The following PRDM2 variants were observed in gnomAD, a reference collection of about 807,000 sequenced individuals.
PRDM2 encodes the protein PR domain zinc finger protein 2.
In PRDM2, 30 loss-of-function variants were observed where a neutral mutation model predicts 130.0. The ratio of observed to expected loss-of-function variants is 0.23; its 90% CI spans 0.17 to 0.31. The LOEUF is 0.31. Ranked by LOEUF, PRDM2 falls within the 10% of genes least tolerant of loss-of-function variation. The probability of loss-of-function intolerance (pLI) is 1.00; values close to 1 mark genes in which losing one functional copy is unlikely to be tolerated. For missense variants in PRDM2, 2,011 were observed against 2,108.4 expected, an observed-to-expected ratio of 0.95 and a Z score of 0.90; for synonymous variants, 871 against 782.4, an observed-to-expected ratio of 1.11 and a Z score of -1.89.
rs1644600811 is a variant in PRDM2 at position 13,781,004 on chromosome 1, C to T, written c.3209C>T (p.Ser1070Phe). Residue 1070 changes from serine to phenylalanine, a missense_variant, in exon 8 of 10, where the codon TCC becomes TTC. By Grantham distance (155) the Ser-to-Phe change is radical. This residue lies in a region of PRDM2 where 1,288 missense variants were observed against 1,237.7 expected (regional missense o/e 1.04). Coordinates refer to ENST00000311066, the MANE Select transcript of PRDM2 (RefSeq NM_001393986.1). This position sits in a 1 kb window ranked among gnomAD's most constrained non-coding sequence, Gnocchi z 6.1. ...TCTTCGTTTTCTTCTTCATCTTCCT[C>T]CTCTTCTCCTTCTCCACCTCCTCTC... Reference protein sequence around the residue: ...SSSSFSSSSSSSSPSPPPLSA... With the variant: ...SSSSFSSSSSFSSPSPPPLSA... 6.2e-7 allele frequency: 1 copy of T among 1,601,618 alleles called. No individual in the cohort carries two copies. Among genetic ancestry groups the T allele is most frequent in the Non-Finnish European group, 8.6e-7 (1 of 1,168,736 alleles).
chr1:13,756,156 C>T (rs888923479), intron 6 of PRDM2, among the ~76,000 whole-genome samples: 1 of 150,410 alleles, frequency 6.6e-6, no homozygotes, highest in Non-Finnish European at 1.5e-5. Context: ...CCAGCTACTC[C>T]GGAGGCTGAG....
chr1:13,805,819 G>C (rs2013271), intron 8 of PRDM2, among the ~76,000 whole-genome samples: 2,240 of 152,292 alleles, frequency 0.015, 46 homozygotes, highest in South Asian at 0.082. Context: ...GGCAGGCAGA[G>C]ATCCCAGCCC....
In PRDM2 at chr1:13,806,729, C is replaced by G. The variant is rs1372615780; in HGVS notation, c.5037-9698C>G. ...CTGGTGTCCCCAGTTCCTTCCCTGT[C>G]AACCCACGGTCTGTGCCCAGCACAG... is the stretch of plus-strand genomic sequence containing the variant. On this transcript the variant is annotated intron_variant, in intron 8 of 9. Transcript: ENST00000311066. This position sits in a 1 kb window ranked among gnomAD's most constrained non-coding sequence, Gnocchi z 4.1. Among the ~76,000 whole-genome samples, 1 of 152,180 alleles carries G rather than the reference C, an allele frequency of 6.6e-6. No homozygotes were observed. The highest frequency in any genetic ancestry group is 1.5e-5 in the Non-Finnish European group (1 of 68,040).
chr1:13,721,280 G>C (rs1285213822), intron 2 of PRDM2, among the ~76,000 whole-genome samples: 1 of 152,096 alleles, frequency 6.6e-6, no homozygotes, highest in African/African-American at 2.4e-5. Flanking sequence ...AAGAGTTAGC[G>C]AAACCCTGGG....
At chr1:13,734,518 A>G (rs925368310) in intron 4 of PRDM2, among the ~76,000 whole-genome samples, 8 of 152,208 alleles carry the variant, frequency 5.3e-5, no homozygotes, top group African/African-American at 1.9e-4. Flanking sequence ...CATATTGTAT[A>G]ATTTATTAAT....
intron 8 of PRDM2, among the ~76,000 whole-genome samples, chr1:13,812,205 A>C (rs2100758043): frequency 6.6e-6 from 1 of 152,282 alleles, no homozygotes; most frequent in African/African-American, 2.4e-5. Flanking sequence ...CAATTGCCAC[A>C]GTCCCCGTGG....
chr1:13,783,527 G>A (rs1390776701), intron 8 of PRDM2, among the ~76,000 whole-genome samples: 1 of 152,162 alleles, frequency 6.6e-6, no homozygotes, highest in Admixed American at 6.5e-5. Context: ...GGGCATGTCA[G>A]CCTCATTTGT....
chr1:13,818,467 C>T (rs1421867500), intron 9 of PRDM2, among the ~76,000 whole-genome samples: 3 of 151,290 alleles, frequency 2.0e-5, no homozygotes, highest in Non-Finnish European at 2.9e-5. Flanking sequence ...CATCCTCCAC[C>T]TCCCAGGTTC....
At chr1:13,712,130 G>A (rs1224574486) in intron 1 of PRDM2, among the ~76,000 whole-genome samples, 1 of 151,926 alleles carries the variant, frequency 6.6e-6, no homozygotes, top group East Asian at 1.9e-4. Context: ...AGGCTGAGGT[G>A]GGAGGATCAC....
intron 9 of PRDM2, among the ~76,000 whole-genome samples, chr1:13,822,754 A>G (rs2744682): frequency 0.86 from 131,500 of 152,122 alleles, 57,149 homozygotes; most frequent in African/African-American, 0.94. Flanking sequence ...TCAACCACAC[A>G]TACAGAATGG....
chr1:13,817,788 A>G (rs1645280645), intron 9 of PRDM2, among the ~76,000 whole-genome samples: 1 of 152,126 alleles, frequency 6.6e-6, no homozygotes, highest in African/African-American at 2.4e-5. Context: ...TCACGAGATC[A>G]GGAGATCGAG....
chr1:13,781,430 A>G lies in PRDM2; in HGVS notation c.3635A>G (p.Asp1212Gly), dbSNP rs1644610364. ...TGCAATTTGCAGCAGCACCAGCGAG[A>G]TCTCCACCCAGATAAGGTGTGCACA... is the stretch of plus-strand genomic sequence containing the variant. ...FLCNLQQHQR[D>G]LHPDKVCTHH... The change falls in exon 8 of 10, where the codon GAT (aspartate) becomes GGT (glycine). Residue 1212 changes from aspartate (D) to glycine (G), a missense_variant. This residue lies in a region of PRDM2 where 229 missense variants were observed against 364.1 expected (regional missense o/e 0.63). Coordinates refer to ENST00000311066, the MANE Select transcript of PRDM2 (RefSeq NM_001393986.1). This position sits in a 1 kb window ranked among gnomAD's most constrained non-coding sequence, Gnocchi z 6.1. 6.2e-7 allele frequency: 1 copy of G among 1,613,982 alleles called. No homozygotes were observed. The highest frequency in any genetic ancestry group is 8.5e-7 in the Non-Finnish European group (1 of 1,180,054).
intron 8 of PRDM2, among the ~76,000 whole-genome samples, chr1:13,814,132 T>G (rs544933389): frequency 1.3e-5 from 2 of 152,260 alleles, no homozygotes; most frequent in Admixed American, 1.3e-4. Context: ...AGTCCATGTC[T>G]CCAGCAGCCT....
intron 6 of PRDM2, among the ~76,000 whole-genome samples, chr1:13,755,470 A>G (rs1489316993): frequency 1.3e-5 from 2 of 152,214 alleles, no homozygotes; most frequent in East Asian, 3.8e-4. Flanking sequence ...ATAAAGTTCG[A>G]TTATGATTAA....
intron 2 of PRDM2, among the ~76,000 whole-genome samples, chr1:13,723,079 C>T (rs575740240): frequency 4.5e-4 from 68 of 152,244 alleles, no homozygotes; most frequent in African/African-American, 1.5e-3. Context: ...CTGGTGCAGC[C>T]GCGGTGGCCT....
intron 2 of PRDM2, among the ~76,000 whole-genome samples, chr1:13,724,732 A>T (rs1397519900): frequency 6.6e-6 from 1 of 152,092 alleles, no homozygotes; most frequent in East Asian, 1.9e-4. Flanking sequence ...TGACCTCGTG[A>T]TCCACCCATC....
rs1645084962 is a variant in PRDM2, at chr1:13,806,255, CTG to C, written c.5037-10170_5037-10169del. On this transcript the variant is annotated intron_variant, in intron 8 of 9. Transcript: ENST00000311066. This position sits in a 1 kb window ranked among gnomAD's most constrained non-coding sequence, Gnocchi z 4.1. ...CGCATCCCGCCTCCATCCCTGGGCT[CTG>C]TCCCCCGCATCCCGCCTCCATCCCT... Among the ~76,000 whole-genome samples the C allele has an allele frequency of 7.1e-6, 1 of 140,632 alleles. No individual in the cohort carries two copies. Among genetic ancestry groups the C allele is most frequent in the Non-Finnish European group, 1.5e-5 (1 of 65,748 alleles). The allele number at this position is 140,632 out of a possible 152,430, so 92.3% of individuals were successfully genotyped here.
At chr1:13,700,442 C>T (rs1217728410) in intron 1 of PRDM2, 142 bp downstream of exon 1, 3 of 150,326 alleles carry the variant, frequency 2.0e-5, no homozygotes, top group African/African-American at 7.3e-5. Context: ...GACGCGCCCC[C>T]TCAGAGGTCC....
chr1:13,700,600 C>T (rs887751873), intron 1 of PRDM2, among the ~76,000 whole-genome samples: 9 of 151,634 alleles, frequency 5.9e-5, no homozygotes, highest in African/African-American at 2.2e-4. Context: ...GAGCCGCGCG[C>T]CCCGCGGGGG....
Sources: gnomAD v4.1 joint callset for allele counts (sites outside exome capture counted in the v4.1 genomes callset) on GRCh38, gnomAD v4.1.1 for gene constraint, gnomAD v4.1.1 regional missense constraint, Gnocchi (gnomAD v3.1) non-coding constraint, MANE v1.5 for transcripts, NCBI Gene and HGNC (gene_info 2026-07-23, HGNC 2026-07-21) for gene names.